PAQR8: variants seen among roughly 807,000 people sequenced by gnomAD.
PAQR8 encodes progestin and adipoQ receptor family member 8, also known as membrane progestin receptor beta.
A neutral mutation model predicts 25.2 loss-of-function variants in PAQR8; 17 were observed. That is an observed-to-expected ratio of 0.67 (90% CI 0.46 to 1.01). PAQR8 has a LOEUF of 1.01. Among genes scored for constraint, PAQR8 ranks in the 50% least tolerant of loss-of-function variants. The pLI, the probability that PAQR8 is intolerant of heterozygous loss-of-function variation, is 0.00. For synonymous variants in PAQR8, 204 were observed against 190.6 expected, an observed-to-expected ratio of 1.07 and a Z score of -0.58; for missense variants, 392 against 448.4, an observed-to-expected ratio of 0.87 and a Z score of 1.14.
At chr6:52,397,925 C>T (rs1393108299) in intron 1 of PAQR8, among the ~76,000 whole-genome samples, 1 of 152,176 alleles carries the variant, frequency 6.6e-6, no homozygotes, top group East Asian at 1.9e-4. Flanking sequence ...TCAAATTTTA[C>T]AGCTGGTCCT....
chr6:52,403,322 G>C lies in PAQR8; in HGVS notation c.109G>C (p.Val37Leu). 1 of 1,614,214 alleles carries C rather than the reference G, an allele frequency of 6.2e-7. No homozygotes were observed. The highest frequency in any genetic ancestry group is 8.5e-7 in the Non-Finnish European group (1 of 1,180,036). Residue 37 changes from valine (V) to leucine (L), a missense_variant, in exon 2 of 2, where the codon GTC (valine) becomes CTC (leucine). Transcript: ENST00000442253. ...TGGGCTTCCCAAGATGCCTTGCACT[G>C]TCCCAGAAACGGATGTGCCCCAGCT... Reference protein sequence around the residue: ...EDGLPKMPCTVPETDVPQLFR... With the variant: ...EDGLPKMPCTLPETDVPQLFR...
In PAQR8 at chr6:52,404,208, C is replaced by T; in HGVS notation, c.995C>T (p.Ala332Val). Residue 332 changes from alanine to valine, a missense_variant, in exon 2 of 2, where the codon GCC becomes GTC. Coordinates refer to ENST00000442253, the MANE Select transcript of PAQR8 (RefSeq NM_133367.5). ...MACLSFFFLA[A>V]CSAATAALLR... ...TGCCTCTCCTTCTTCTTCCTGGCTGCCTGCAGTGCTGCCACCGCAGCCCTT... is the reference window on the plus strand; with the variant it reads ...TGCCTCTCCTTCTTCTTCCTGGCTGTCTGCAGTGCTGCCACCGCAGCCCTT... The T allele has an allele frequency of 6.2e-7, 1 of 1,613,802 alleles. No homozygotes were observed.
At chr6:52,382,863 T>C (rs1763578223) in intron 1 of PAQR8, among the ~76,000 whole-genome samples, 1 of 152,166 alleles carries the variant, frequency 6.6e-6, no homozygotes, top group African/African-American at 2.4e-5. Context: ...GTCACTATCA[T>C]GGCTCACTGC....
chr6:52,363,095 G>C (rs545703066), intron 1 of PAQR8, among the ~76,000 whole-genome samples: 1 of 152,242 alleles, frequency 6.6e-6, no homozygotes, highest in South Asian at 2.1e-4. Context: ...TCTAGTCTAG[G>C]GAGCAAGACC....
At position 52,382,803 on chromosome 6, in the gene PAQR8, AT is replaced by A. The variant is rs998643112; in HGVS notation, c.-52-20350del. 6.1e-4 allele frequency among the ~76,000 whole-genome samples: 93 copies of A among 151,280 alleles called. 1 individual carries two copies. The highest frequency in any genetic ancestry group is 2.1e-3 in the African/African-American group (86 of 41,254). ...AGGAAGCTACGTTTCAGTTGAATCC[AT>A]TTTTTTTTAAGACAGGGTCTCACTC... On this transcript the variant is annotated intron_variant, in intron 1 of 1. Coordinates refer to ENST00000442253, the MANE Select transcript of PAQR8 (RefSeq NM_133367.5).
chr6:52,390,348 C>T (rs777006303), intron 1 of PAQR8, among the ~76,000 whole-genome samples: 1 of 152,130 alleles, frequency 6.6e-6, no homozygotes, highest in Non-Finnish European at 1.5e-5. Context: ...GAGAAAAAGG[C>T]ACTCAGAGGA....
rs1465502164 is a variant in PAQR8 at position 52,403,763 on chromosome 6, G to A, written c.550G>A (p.Ala184Thr). Residue 184 changes from alanine (A) to threonine (T), a missense_variant, in exon 2 of 2, where the codon GCC (alanine) becomes ACC (threonine). By Grantham distance (58) the Ala-to-Thr change is moderately conservative. Coordinates refer to ENST00000442253, the MANE Select transcript of PAQR8 (RefSeq NM_133367.5). Reference protein sequence around the residue: ...RFWLFFLPAAAFCGWLSCAGC... With the variant: ...RFWLFFLPAATFCGWLSCAGC... ...CTGGCTTTTCTTCTTGCCAGCAGCT[G>A]CCTTCTGTGGCTGGTTATCTTGTGC... is the stretch of plus-strand genomic sequence containing the variant. 1.2e-6 allele frequency: 2 copies of A among 1,614,274 alleles called. No homozygotes were observed. Among genetic ancestry groups the A allele is most frequent in the South Asian group, 2.2e-5 (2 of 91,092 alleles).
At chr6:52,400,561 T>C (rs1315262299) in intron 1 of PAQR8, among the ~76,000 whole-genome samples, 1 of 152,190 alleles carries the variant, frequency 6.6e-6, no homozygotes, top group East Asian at 1.9e-4. Flanking sequence ...CTTCAGATAC[T>C]CCAGGCTTTC....
chr6:52,401,695 C>G (rs1025505999), intron 1 of PAQR8, among the ~76,000 whole-genome samples: 1 of 152,160 alleles, frequency 6.6e-6, no homozygotes, highest in African/African-American at 2.4e-5. Flanking sequence ...GTGCATTGTT[C>G]TTTACCAACC....
chr6:52,397,537 A>G (rs559264725), intron 1 of PAQR8, among the ~76,000 whole-genome samples: 107 of 152,174 alleles, frequency 7.0e-4, no homozygotes, highest in Non-Finnish European at 1.4e-3. Flanking sequence ...TGACTCTTCT[A>G]AGCTTCTTGA....
intron 1 of PAQR8, among the ~76,000 whole-genome samples, chr6:52,402,326 T>G (rs1763842256): frequency 6.6e-6 from 1 of 151,420 alleles, no homozygotes; most frequent in Non-Finnish European, 1.5e-5. Flanking sequence ...ATTGCGCCAC[T>G]GCATCCCAGC....
chr6:52,382,093 C>T (rs981639477), intron 1 of PAQR8, among the ~76,000 whole-genome samples: 1 of 152,228 alleles, frequency 6.6e-6, no homozygotes, highest in African/African-American at 2.4e-5. Context: ...CAACACAATA[C>T]TTGCCCATAA....
chr6:52,397,968 G>T (rs1763785621), intron 1 of PAQR8, among the ~76,000 whole-genome samples: 1 of 152,112 alleles, frequency 6.6e-6, no homozygotes, highest in African/African-American at 2.4e-5. Context: ...ATACCTGCTT[G>T]GTGAAAGTGA....
At chr6:52,366,872 C>T (rs1292333625) in intron 1 of PAQR8, among the ~76,000 whole-genome samples, 1 of 152,112 alleles carries the variant, frequency 6.6e-6, no homozygotes, top group East Asian at 1.9e-4. Context: ...GCCTCAGCCT[C>T]CTGAGTAGCT....
intron 1 of PAQR8, among the ~76,000 whole-genome samples, chr6:52,401,049 G>A (rs1259461698): frequency 6.6e-6 from 1 of 152,124 alleles, no homozygotes; most frequent in Non-Finnish European, 1.5e-5. Context: ...AAGAAACTGA[G>A]GCTGAGAGAA....
intron 1 of PAQR8, among the ~76,000 whole-genome samples, chr6:52,389,338 A>G (rs1433627192): frequency 6.6e-6 from 1 of 152,242 alleles, no homozygotes; most frequent in East Asian, 1.9e-4. Flanking sequence ...TTCTGGGGAC[A>G]TCTTTCCTCT....
intron 1 of PAQR8, chr6:52,373,774 C>T (rs1763449597): frequency 6.6e-6 from 1 of 150,860 alleles, no homozygotes; most frequent in Non-Finnish European, 1.5e-5. Flanking sequence ...TCCACTTGGT[C>T]CATAACAGCA....
chr6:52,378,244 G>A (rs1763507891), intron 1 of PAQR8, among the ~76,000 whole-genome samples: 1 of 152,230 alleles, frequency 6.6e-6, no homozygotes, highest in African/African-American at 2.4e-5. Flanking sequence ...CTGGCAACTG[G>A]ATAAAGAACA....
chr6:52,374,695 G>A (rs1053526084), intron 1 of PAQR8, among the ~76,000 whole-genome samples: 1 of 152,090 alleles, frequency 6.6e-6, no homozygotes, highest in East Asian at 1.9e-4. Context: ...GAGCCTATAG[G>A]TATTTGCTTG....
Sources: allele counts gnomAD v4.1 joint callset (sites outside exome capture counted in the v4.1 genomes callset), GRCh38; gene constraint gnomAD v4.1.1; transcripts MANE v1.5; gene names NCBI Gene and HGNC (gene_info 2026-07-23, HGNC 2026-07-21).